Variants in ZNF469 observed in about 807,000 individuals in gnomAD.
ZNF469 encodes the protein zinc finger protein 469.
A neutral mutation model predicts 1.0 loss-of-function variants in ZNF469; 1 was observed. The ratio of observed to expected loss-of-function variants is 1.00; its 90% CI spans 0.35 to 4.73. ZNF469 has a LOEUF of 4.73. Among genes scored for constraint, ZNF469 ranks in the 30% most tolerant of loss-of-function variants. The pLI is 0.16. For synonymous variants in ZNF469, 2,703 were observed against 2,363.4 expected (o/e 1.14, Z -4.17); for missense variants, 6,100 against 5,356.3 (o/e 1.14, Z -4.33).
In ZNF469 at chr16:88,437,274, C is replaced by T. The variant is rs1482188131; in HGVS notation, c.9804C>T (p.Gly3268=). Residue 3268 remains glycine, a synonymous_variant, in exon 3 of 3, where the codon GGC becomes GGT. Transcript: ENST00000565624. ...GAGAAGCCAAGAAAGACAGCCCGGG[C>T]GAGAGGGCGAAACCCCGGGCACGCA... ...QEGEAKKDSP[G]ERAKPRARST... 6.5e-6 allele frequency: 10 copies of T among 1,548,158 alleles called. No homozygotes were observed. The highest frequency in any genetic ancestry group is 3.9e-5 in the Admixed American group (2 of 50,896).
chr16:88,426,719 C>T (rs967524320), intron 2 of ZNF469, among the ~76,000 whole-genome samples: 4 of 151,894 alleles, frequency 2.6e-5, no homozygotes, highest in African/African-American at 9.7e-5. Flanking sequence ...CCCTGGCTGA[C>T]GGCAGGATCT....
At chr16:88,243,949 TATAA>T in the ZNF469 span, among the ~76,000 whole-genome samples, 28 of 94,250 alleles carry the variant, frequency 3.0e-4, no homozygotes, top group African/African-American at 9.1e-4. Flanking sequence ...TATATATATA[TATAA>T]ATGTATGTGT....
chr16:88,117,487 C>T, the ZNF469 span, among the ~76,000 whole-genome samples: 2 of 152,126 alleles, frequency 1.3e-5, no homozygotes, highest in East Asian at 3.8e-4. Context: ...GAATACTCAG[C>T]CACTGACTGC....
chr16:88,132,373 A>T, the ZNF469 span, among the ~76,000 whole-genome samples: 26 of 152,278 alleles, frequency 1.7e-4, no homozygotes, highest in Admixed American at 7.8e-4. Context: ...CAGCTCCATC[A>T]TCCCCATCGC....
chr16:88,117,606 C>CAT, the ZNF469 span, among the ~76,000 whole-genome samples: 14 of 152,186 alleles, frequency 9.2e-5, no homozygotes, highest in East Asian at 3.9e-4. Context: ...CTTCGGGGAC[C>CAT]GTGGAGGTGC....
At chr16:88,253,484 T>C in the ZNF469 span, among the ~76,000 whole-genome samples, 5 of 151,142 alleles carry the variant, frequency 3.3e-5, no homozygotes, top group Admixed American at 2.6e-4. Context: ...TAGGGACCAT[T>C]TGTGGATTTT....
Position 88,439,181 on chromosome 16 carries a change from C to A in ZNF469, c.11711C>A (p.Pro3904His), listed in dbSNP as rs1217521195. The A allele has an allele frequency of 6.4e-7, 1 of 1,550,454 alleles. No individual in the cohort carries two copies. Among genetic ancestry groups the A allele is most frequent in the Non-Finnish European group, 8.7e-7 (1 of 1,146,966 alleles). ...CCCCAGGGGAGACCCCTGCTCAGGC[C>A]CCCCAAGAGGGGCACAGCTGTCCAC... The part of the protein sequence containing the change: ...AFPQGRPLLR[P>H]PKRGTAVHGA... Residue 3904 changes from proline to histidine, a missense_variant, in exon 3 of 3, where the codon CCC becomes CAC. Coordinates refer to ENST00000565624, the MANE Select transcript of ZNF469 (RefSeq NM_001367624.2).
the ZNF469 span, among the ~76,000 whole-genome samples, chr16:88,310,333 A>T: frequency 6.6e-6 from 1 of 152,182 alleles, no homozygotes; most frequent in African/African-American, 2.4e-5. Flanking sequence ...GACACAAGGC[A>T]GTGCCTCCCA....
At chr16:88,312,543 G>T in the ZNF469 span, among the ~76,000 whole-genome samples, 1 of 152,140 alleles carries the variant, frequency 6.6e-6, no homozygotes, top group African/African-American at 2.4e-5. Context: ...ATTTTATGTG[G>T]TCACATATAC....
chr16:88,325,290 G>T, the ZNF469 span, among the ~76,000 whole-genome samples: 174 of 151,024 alleles, frequency 1.2e-3, 1 homozygote, highest in South Asian at 0.016. Flanking sequence ...GCTGCCCGAG[G>T]TGCACCCCGG....
In ZNF469 at chr16:88,432,609, C is replaced by G. The variant is rs776240249; in HGVS notation, c.5139C>G (p.Asp1713Glu). 2 of 1,550,416 alleles carry G rather than the reference C, an allele frequency of 1.3e-6. No individual in the cohort carries two copies. The highest frequency in any genetic ancestry group is 8.7e-7 in the Non-Finnish European group (1 of 1,146,978). Reference sequence around the variant, plus strand: ...CTGGACTTTGCCAGGCAGAAGGAGACAGCAGGCCCCCCCAAGATGTCTGCC... The same window carrying G: ...CTGGACTTTGCCAGGCAGAAGGAGAGAGCAGGCCCCCCCAAGATGTCTGCC... Reference protein sequence around the residue: ...SKTGLCQAEGDSRPPQDVCLP... With the variant: ...SKTGLCQAEGESRPPQDVCLP... The change falls in exon 3 of 3, where the codon GAC (aspartate) becomes GAG (glutamate). Residue 1713 changes from aspartate to glutamate, a missense_variant. By Grantham distance (45) the Asp-to-Glu change is conservative. Transcript: ENST00000565624.
At chr16:88,355,137 T>A in the ZNF469 span, among the ~76,000 whole-genome samples, 6 of 152,254 alleles carry the variant, frequency 3.9e-5, no homozygotes, top group African/African-American at 1.2e-4. Context: ...CCTGCCCAGC[T>A]GCAGACACTC....
At chr16:88,362,095 A>G in the ZNF469 span, among the ~76,000 whole-genome samples, 2 of 152,182 alleles carry the variant, frequency 1.3e-5, no homozygotes, top group Non-Finnish European at 2.9e-5. Flanking sequence ...CGATTCTTCA[A>G]CTTTGTTCTT....
At chr16:88,105,605 C>T in the ZNF469 span, among the ~76,000 whole-genome samples, 1 of 152,206 alleles carries the variant, frequency 6.6e-6, no homozygotes, top group South Asian at 2.1e-4. Flanking sequence ...TGCTTGACTA[C>T]ATACAGCATT....
At position 88,428,876 on chromosome 16, in the gene ZNF469, G is replaced by A; in HGVS notation, c.1406G>A (p.Ser469Asn). 2 of 1,548,250 alleles carry A rather than the reference G, an allele frequency of 1.3e-6. No individual in the cohort carries two copies. The highest frequency in any genetic ancestry group is 1.7e-6 in the Non-Finnish European group (2 of 1,146,474). Residue 469 changes from serine to asparagine, a missense_variant, in exon 3 of 3, where the codon AGC (serine) becomes AAC (asparagine). Transcript: ENST00000565624. ...TRSMFFNGQP[S>N]PGQRLCLPQS... ...AGTATGTTCTTTAACGGCCAGCCCA[G>A]CCCAGGCCAGCGGCTCTGCCTCCCC...
the ZNF469 span, among the ~76,000 whole-genome samples, chr16:88,221,028 C>G: frequency 6.6e-6 from 1 of 152,188 alleles, no homozygotes; most frequent in Non-Finnish European, 1.5e-5. Flanking sequence ...GAAGGACCAC[C>G]CAGAACACTG....
At chr16:88,308,685 G>A in the ZNF469 span, among the ~76,000 whole-genome samples, 3 of 152,282 alleles carry the variant, frequency 2.0e-5, no homozygotes, top group Admixed American at 6.5e-5. Context: ...CTGGAAGACT[G>A]AGCAGACCCC....
chr16:88,335,824 A>G, the ZNF469 span, among the ~76,000 whole-genome samples: 4 of 152,104 alleles, frequency 2.6e-5, no homozygotes, highest in Non-Finnish European at 5.9e-5. Flanking sequence ...TGATGCGCCA[A>G]TACCACACAT....
At chr16:88,241,479 G>C in the ZNF469 span, among the ~76,000 whole-genome samples, 1 of 152,166 alleles carries the variant, frequency 6.6e-6, no homozygotes, top group Admixed American at 6.5e-5. The surrounding 1 kb of genome is among the most constrained non-coding windows in gnomAD (Gnocchi z 4.8). Flanking sequence ...TGGGGACAGT[G>C]CTCTCACTGG....
Sources: gnomAD v4.1 joint callset for allele counts (sites outside exome capture counted in the v4.1 genomes callset) on GRCh38, gnomAD v4.1.1 for gene constraint, Gnocchi (gnomAD v3.1) non-coding constraint, MANE v1.5 for transcripts, NCBI Gene and HGNC (gene_info 2026-07-23, HGNC 2026-07-21) for gene names.